The following TMED3 variants were observed in gnomAD, a reference collection of about 807,000 sequenced individuals.
TMED3 encodes the protein transmembrane emp24 domain-containing protein 3.
A neutral mutation model predicts 15.0 loss-of-function variants in TMED3; 9 were observed. The ratio of observed to expected loss-of-function variants is 0.60; its 90% CI spans 0.36 to 1.04. The LOEUF is 1.04. Among genes scored for constraint, TMED3 ranks in the 50% least tolerant of loss-of-function variants. TMED3 has a pLI of 0.01. For missense variants in TMED3, 267 were observed against 278.9 expected (o/e 0.96, Z 0.30); for synonymous variants, 117 against 121.4 (o/e 0.96, Z 0.24).
intron 2 of TMED3, among the ~76,000 whole-genome samples, chr15:79,385,156 T>C (rs1349088713): frequency 6.6e-6 from 1 of 152,142 alleles, no homozygotes; most frequent in Non-Finnish European, 1.5e-5. Context: ...AGAGATGCCC[T>C]TGTGAGCCCA....
At chr15:79,373,154 G>T (rs1893371278) in intron 2 of TMED3, among the ~76,000 whole-genome samples, 1 of 152,212 alleles carries the variant, frequency 6.6e-6, no homozygotes, top group South Asian at 2.1e-4. Flanking sequence ...GCCATGCAAT[G>T]AATTGGTGTT....
intron 1 of TMED3, 33 bp downstream of exon 1, chr15:79,311,450 C>T: frequency 6.3e-7 from 1 of 1,583,344 alleles, no homozygotes; most frequent in Middle Eastern, 1.8e-4. Context: ...GCTCCCTTCT[C>T]CCTCCACTCC....
chr15:79,383,084 G>A (rs939421776), intron 2 of TMED3: 1 of 1,489,698 alleles, frequency 6.7e-7, no homozygotes, highest in African/African-American at 1.4e-5. Flanking sequence ...ACGGGACATG[G>A]CTCTTTGCCT....
intron 2 of TMED3, among the ~76,000 whole-genome samples, chr15:79,319,480 G>A (rs554504292): frequency 6.6e-6 from 1 of 152,216 alleles, no homozygotes; most frequent in African/African-American, 2.4e-5. Context: ...TTTAATGTGA[G>A]AGAGAAACAA....
chr15:79,337,890 C>T (rs906343957), intron 2 of TMED3, among the ~76,000 whole-genome samples: 6 of 152,194 alleles, frequency 3.9e-5, no homozygotes, highest in Admixed American at 3.3e-4. Context: ...TACAATATAA[C>T]TCAAATGCAC....
intron 2 of TMED3, among the ~76,000 whole-genome samples, chr15:79,379,608 C>A (rs1019361736): frequency 2.0e-5 from 3 of 152,072 alleles, no homozygotes; most frequent in African/African-American, 7.2e-5. Context: ...CTTTAAGAAG[C>A]TAGGTATATG....
intron 2 of TMED3, among the ~76,000 whole-genome samples, chr15:79,320,142 A>G (rs2058759858): frequency 6.6e-6 from 1 of 152,150 alleles, no homozygotes. Context: ...TCCACTTGGC[A>G]ATGGGCGTCT....
chr15:79,395,703 T>G (rs1893754648), intron 2 of TMED3, among the ~76,000 whole-genome samples: 1 of 152,252 alleles, frequency 6.6e-6, no homozygotes, highest in African/African-American at 2.4e-5. Context: ...CAACATATTT[T>G]ATGAATTCCT....
At chr15:79,325,544 A>G (rs1195578608), downstream of TMED3, among the ~76,000 whole-genome samples, 2 of 152,220 alleles carry the variant, frequency 1.3e-5, no homozygotes, top group South Asian at 2.1e-4. Flanking sequence ...GAGGGACAGA[A>G]CTAATAGGAT....
At chr15:79,357,209 G>A (rs1336147435) in intron 2 of TMED3, among the ~76,000 whole-genome samples, 2 of 151,976 alleles carry the variant, frequency 1.3e-5, no homozygotes, top group Non-Finnish European at 2.9e-5. Flanking sequence ...ACACGGCTGG[G>A]CATGGTGGCT....
intron 2 of TMED3, among the ~76,000 whole-genome samples, chr15:79,357,482 A>T (rs2141238500): frequency 6.7e-6 from 1 of 149,366 alleles, no homozygotes; most frequent in South Asian, 2.1e-4. Context: ...AAAAAAAAAA[A>T]AAAGCAAGCA....
intron 1 of TMED3, among the ~76,000 whole-genome samples, chr15:79,311,928 G>T (rs2058717101): frequency 6.6e-6 from 1 of 152,244 alleles, no homozygotes; most frequent in Non-Finnish European, 1.5e-5. Flanking sequence ...TGGAAAGGAG[G>T]GATCAGTGCA....
rs1567038695 is a variant in TMED3, at chr15:79,389,926, G to A, written c.418-21474G>A. Among the ~76,000 whole-genome samples the A allele has an allele frequency of 2.6e-5, 4 of 152,264 alleles. No individual in the cohort carries two copies. In the Middle Eastern group the frequency reaches 0.014, roughly 518 times the overall value. On this transcript the variant is annotated intron_variant, in intron 2 of 2. Coordinates refer to the TMED3 transcript ENST00000424155. ...GTGTATAGAAGAGCTACTGATCTGT[G>A]TACATTAATCTTGTATCCAGAACCT...
intron 2 of TMED3, among the ~76,000 whole-genome samples, chr15:79,367,318 C>T (rs16970883): frequency 0.28 from 41,491 of 150,124 alleles, 5,820 homozygotes; most frequent in African/African-American, 0.32. Context: ...GAAGTCTTCT[C>T]ACCTGGTGCA....
At chr15:79,367,858 C>T (rs879316206) in intron 2 of TMED3, among the ~76,000 whole-genome samples, 5 of 152,136 alleles carry the variant, frequency 3.3e-5, no homozygotes, top group Non-Finnish European at 5.9e-5. Context: ...AAAGATTTTC[C>T]GATTTGCAAT....
chr15:79,329,578 C>G (rs1390033906), intron 2 of TMED3, among the ~76,000 whole-genome samples: 1 of 152,194 alleles, frequency 6.6e-6, no homozygotes, highest in African/African-American at 2.4e-5. Flanking sequence ...GAGTGTGAAG[C>G]TGTTGACCCT....
At chr15:79,345,770 A>T (rs2058868844) in intron 2 of TMED3, among the ~76,000 whole-genome samples, 1 of 152,192 alleles carries the variant, frequency 6.6e-6, no homozygotes, top group African/African-American at 2.4e-5. Flanking sequence ...TCCCACCACC[A>T]GTGTATAAGC....
chr15:79,392,052 T>G (rs1267505379), intron 2 of TMED3, among the ~76,000 whole-genome samples: 1 of 152,226 alleles, frequency 6.6e-6, no homozygotes, highest in Non-Finnish European at 1.5e-5. Flanking sequence ...TTCTGTATAT[T>G]TTAAGTGGAG....
At chr15:79,357,588 G>A (rs1323068666) in intron 2 of TMED3, among the ~76,000 whole-genome samples, 1 of 151,042 alleles carries the variant, frequency 6.6e-6, no homozygotes. Flanking sequence ...TCTCCTTGGG[G>A]TCCTATTGTC....
Sources: allele counts gnomAD v4.1 joint callset (sites outside exome capture counted in the v4.1 genomes callset), GRCh38; gene constraint gnomAD v4.1.1; transcripts MANE v1.5; gene names NCBI Gene and HGNC (gene_info 2026-07-23, HGNC 2026-07-21).